The following WDR19 variants were observed in gnomAD, a reference collection of about 807,000 sequenced individuals.
The protein encoded by WDR19 is WD repeat-containing protein 19.
A neutral mutation model predicts 180.0 loss-of-function variants in WDR19; 121 were observed. That is an observed-to-expected ratio of 0.67 (90% CI 0.58 to 0.78). The LOEUF is 0.78. Among genes scored for constraint, WDR19 ranks in the 30% least tolerant of loss-of-function variants. The probability of loss-of-function intolerance (pLI) is 0.00; values close to 1 mark genes in which losing one functional copy is unlikely to be tolerated. For missense variants in WDR19, 1,450 were observed against 1,640.7 expected (o/e 0.88, Z 2.01); for synonymous variants, 497 against 540.7 (o/e 0.92, Z 1.12).
chr4:39,256,700 A>G (rs1197482808), intron 27 of WDR19, among the ~76,000 whole-genome samples: 1 of 152,178 alleles, frequency 6.6e-6, no homozygotes, highest in East Asian at 1.9e-4. Flanking sequence ...GCTGGCACTT[A>G]AGAGAAATTT....
intron 26 of WDR19, 63 bp downstream of exon 26, chr4:39,254,093 A>G (rs1268130909): frequency 3.3e-6 from 5 of 1,536,184 alleles, no homozygotes; most frequent in Non-Finnish European, 4.4e-6. Context: ...TTTGTCTCTT[A>G]TGATCTAATT....
At chr4:39,244,168 G>C in intron 21 of WDR19, 80 bp from the exon 22 acceptor site, 3 of 1,466,758 alleles carry the variant, frequency 2.0e-6, no homozygotes, top group Non-Finnish European at 1.8e-6. Context: ...ACTCATTTTA[G>C]AGTTAAATTC....
intron 1 of WDR19, 113 bp from the exon 2 acceptor site, chr4:39,185,613 C>A: frequency 1.0e-6 from 1 of 982,822 alleles, no homozygotes; most frequent in Non-Finnish European, 1.5e-6. Context: ...ACATAATCCT[C>A]ACTATCCTGA....
Position 39,240,323 on chromosome 4 carries a change from G to A in WDR19, c.2410G>A (p.Gly804Ser). Residue 804 changes from glycine to serine, a missense_variant, in exon 21 of 37, where the codon GGT (glycine) becomes AGT (serine). Transcript: ENST00000399820. ...GGCTCATTATGAGAAAGGAATAACA[G>A]GTGATAATAAGGTAACCTTGGATAA... ...ALAHYEKGIT[G>S]DNKEHDEACL... 2 of 1,436,966 alleles carry A rather than the reference G, an allele frequency of 1.4e-6. No individual in the cohort carries two copies. Among genetic ancestry groups the A allele is most frequent in the Non-Finnish European group, 1.8e-6 (2 of 1,091,806 alleles). The allele number at this position is 1,436,966 out of a possible 1,614,324, so 89.0% of individuals were successfully genotyped here. A position where few individuals can be genotyped will look rare whatever the true frequency, so the allele number is the denominator to read the frequency against.
chr4:39,264,621 T>C (rs775102187), intron 28 of WDR19, among the ~76,000 whole-genome samples: 1 of 152,132 alleles, frequency 6.6e-6, no homozygotes, highest in African/African-American at 2.4e-5. Context: ...AGTGATCATC[T>C]CCTCCATTTT....
intron 16 of WDR19, 61 bp downstream of exon 16, chr4:39,228,418 A>G: frequency 1.2e-6 from 2 of 1,602,682 alleles, no homozygotes; most frequent in Non-Finnish European, 1.7e-6. Flanking sequence ...AGTAAAATTA[A>G]AACATTCTTT....
Position 39,254,036 on chromosome 4 carries a change from T to C in WDR19, c.3001+6T>C, listed in dbSNP as rs912115085. 1.2e-6 allele frequency: 2 copies of C among 1,605,328 alleles called. No homozygotes were observed. The highest frequency in any genetic ancestry group is 2.7e-5 in the African/African-American group (2 of 74,628). On this transcript the variant is annotated splice_donor_region_variant and intron_variant, in intron 26 of 36. Transcript: ENST00000399820. ...AATCTATGCAGATATTATTGGTAAATATCATTTTTTCCCTGGTTCTCTTCA... is the reference window on the plus strand; with the variant it reads ...AATCTATGCAGATATTATTGGTAAACATCATTTTTTCCCTGGTTCTCTTCA...
intron 1 of WDR19, 122 bp from the exon 2 acceptor site, chr4:39,185,604 C>A (rs1337017253): frequency 3.3e-6 from 3 of 909,830 alleles, no homozygotes; most frequent in African/African-American, 1.7e-5. Context: ...TAAGCTCTAA[C>A]ATAATCCTCA....
rs563047401 is a variant in WDR19 at position 39,284,995 on chromosome 4, A to G, written c.*14-492A>G. ...GCCCAGGAGCTCAGGGCTCTAGGAG[A>G]CTATAATCATGCCTATGAACAGCCA... On this transcript the variant is annotated intron_variant, in intron 36 of 36. Transcript: ENST00000399820. 1.3e-4 allele frequency among the ~76,000 whole-genome samples: 20 copies of G among 152,012 alleles called. No individual in the cohort carries two copies. The East Asian group carries it at 3.7e-3, about 28-fold the overall frequency.
chr4:39,262,402 C>T (rs1249427998), intron 28 of WDR19, among the ~76,000 whole-genome samples: 1 of 152,074 alleles, frequency 6.6e-6, no homozygotes, highest in African/African-American at 2.4e-5. Flanking sequence ...GCCACCGCAC[C>T]CGGCCAATTT....
chr4:39,224,500 C>T (rs1730030834), intron 14 of WDR19, among the ~76,000 whole-genome samples: 1 of 152,080 alleles, frequency 6.6e-6, no homozygotes, highest in Non-Finnish European at 1.5e-5. Context: ...CCTGCCTCAG[C>T]CTCCCAAGTA....
chr4:39,234,702 C>T (rs1731203415), intron 19 of WDR19, 64 bp from the exon 20 acceptor site: 4 of 1,027,594 alleles, frequency 3.9e-6, no homozygotes, highest in Middle Eastern at 2.0e-4. Flanking sequence ...AAAACTAGCT[C>T]TTTGTGGTAA....
At chr4:39,235,123 GTTA>G (rs1731249679) in intron 20 of WDR19, among the ~76,000 whole-genome samples, 1 of 151,928 alleles carries the variant, frequency 6.6e-6, no homozygotes, top group South Asian at 2.1e-4. Flanking sequence ...GAATCTAAAT[GTTA>G]TTATTATTTT....
intron 13 of WDR19, among the ~76,000 whole-genome samples, chr4:39,217,773 G>T (rs1191260923): frequency 2.0e-5 from 3 of 152,124 alleles, no homozygotes; most frequent in African/African-American, 7.2e-5. Flanking sequence ...TGCAGAGCCT[G>T]CAGTAAAGAC....
intron 33 of WDR19, among the ~76,000 whole-genome samples, chr4:39,275,508 G>A (rs1021300323): frequency 8.5e-5 from 13 of 152,120 alleles, no homozygotes; most frequent in Non-Finnish European, 1.9e-4. Flanking sequence ...CCAGATCCCC[G>A]TCTTCCAGCT....
At position 39,225,052 on chromosome 4, in the gene WDR19, TA is replaced by T. The variant is rs1354263873; in HGVS notation, c.1629+22del. 1 of 1,491,310 alleles carries T rather than the reference TA, an allele frequency of 6.7e-7. No homozygotes were observed. The highest frequency in any genetic ancestry group is 8.9e-7 in the Non-Finnish European group (1 of 1,122,468). The allele number at this position is 1,491,310 out of a possible 1,614,324, so 92.4% of individuals were successfully genotyped here. ...CTGTCCAGTAAGTCTGGAACATTTT[TA>T]AATGTTTATTTTTTGAAATGCAATA... On this transcript the variant is annotated intron_variant, in intron 15 of 36. Coordinates refer to ENST00000399820, the MANE Select transcript of WDR19 (RefSeq NM_025132.4).
At chr4:39,239,251 C>T (rs1367786503) in intron 20 of WDR19, among the ~76,000 whole-genome samples, 1 of 152,110 alleles carries the variant, frequency 6.6e-6, no homozygotes, top group Non-Finnish European at 1.5e-5. Flanking sequence ...GCTGGGATTA[C>T]AGGTGTGAGC....
intron 1 of WDR19, 27 bp downstream of exon 1, chr4:39,182,590 G>A (rs1377366881): frequency 6.2e-7 from 1 of 1,613,622 alleles, no homozygotes; most frequent in Admixed American, 1.7e-5. Flanking sequence ...TTCCCGGGGT[G>A]GGGCGGGAAA....
chr4:39,195,387 C>CA (rs11372483), intron 5 of WDR19, among the ~76,000 whole-genome samples: 33,555 of 141,172 alleles, frequency 0.24, 6,041 homozygotes, highest in African/African-American at 0.52. Flanking sequence ...AACAAAAAAA[C>CA]AAACAAACAA....
Sources: gnomAD v4.1 joint callset for allele counts (sites outside exome capture counted in the v4.1 genomes callset) on GRCh38, gnomAD v4.1.1 for gene constraint, MANE v1.5 for transcripts, NCBI Gene and HGNC (gene_info 2026-07-23, HGNC 2026-07-21) for gene names.